Variants in FMN1 observed in about 807,000 individuals in gnomAD.
FMN1 encodes the protein formin-1.
FMN1 carries 110 observed loss-of-function variants against 132.4 expected under a neutral mutation model. The ratio of observed to expected loss-of-function variants is 0.83; its 90% confidence interval spans 0.71 to 0.97. The LOEUF is 0.97. Among genes scored for constraint, FMN1 ranks in the 50% least tolerant of loss-of-function variants. The pLI is 0.00. For synonymous variants in FMN1, 722 were observed against 651.7 expected (o/e 1.11, Z -1.64); for missense variants, 1,792 against 1,705.3 (o/e 1.05, Z -0.90).
intron 10 of FMN1, among the ~76,000 whole-genome samples, chr15:32,920,441 T>A (rs1003933586): frequency 6.6e-6 from 1 of 152,180 alleles, no homozygotes; most frequent in Non-Finnish European, 1.5e-5. Flanking sequence ...TTCAGTGTTT[T>A]CACTTCAGCC....
At chr15:32,863,207 G>C (rs1022535929) in intron 16 of FMN1, among the ~76,000 whole-genome samples, 1 of 152,172 alleles carries the variant, frequency 6.6e-6, no homozygotes, top group Middle Eastern at 3.2e-3. Flanking sequence ...ACTTTGGGAG[G>C]CCGAGGCGGG....
chr15:32,977,584 T>G (rs1211219674), intron 7 of FMN1, among the ~76,000 whole-genome samples: 1 of 152,206 alleles, frequency 6.6e-6, no homozygotes, highest in East Asian at 1.9e-4. Context: ...TATATATGTC[T>G]GAAATGAGAG....
intron 17 of FMN1, among the ~76,000 whole-genome samples, chr15:32,856,792 C>G (rs2059142296): frequency 6.6e-6 from 1 of 152,108 alleles, no homozygotes. Flanking sequence ...GAGTAACATT[C>G]AAGAATTTAA....
intron 15 of FMN1, among the ~76,000 whole-genome samples, chr15:32,889,219 G>A (rs978106517): frequency 2.0e-5 from 3 of 152,172 alleles, no homozygotes; most frequent in African/African-American, 7.2e-5. Flanking sequence ...CACTGCTATA[G>A]CTAATGGAGA....
chr15:33,022,289 T>G (rs2035453990), intron 6 of FMN1, among the ~76,000 whole-genome samples: 1 of 152,208 alleles, frequency 6.6e-6, no homozygotes, highest in African/African-American at 2.4e-5. Context: ...CAATTGTACT[T>G]CATACTGAAA....
At chr15:32,965,190 G>A (rs1448588809) in intron 8 of FMN1, among the ~76,000 whole-genome samples, 2 of 152,120 alleles carry the variant, frequency 1.3e-5, no homozygotes, top group Non-Finnish European at 2.9e-5. Context: ...TTGGGGTCAG[G>A]AGTTCAAGAC....
At chr15:32,992,548 A>C (rs28522303) in intron 7 of FMN1, among the ~76,000 whole-genome samples, 31,471 of 152,114 alleles carry the variant, frequency 0.21, 3,723 homozygotes, top group African/African-American at 0.33. Flanking sequence ...CTTAGTTTAC[A>C]AACTTAAGAA....
chr15:32,885,410 C>A (rs1480029757), intron 16 of FMN1, among the ~76,000 whole-genome samples: 1 of 152,162 alleles, frequency 6.6e-6, no homozygotes, highest in Non-Finnish European at 1.5e-5. Context: ...ACTTCTGGGT[C>A]ACAGGCGTGA....
intron 17 of FMN1, among the ~76,000 whole-genome samples, chr15:32,826,014 T>C (rs1055489374): frequency 1.3e-5 from 2 of 152,212 alleles, no homozygotes; most frequent in African/African-American, 4.8e-5. Context: ...ACACTGGTAG[T>C]AATAACAGCA....
chr15:33,129,205 T>C (rs1250410657), intron 4 of FMN1, among the ~76,000 whole-genome samples: 1 of 152,212 alleles, frequency 6.6e-6, no homozygotes, highest in Non-Finnish European at 1.5e-5. Context: ...ACAATGCAGT[T>C]AGCTACCAGA....
intron 16 of FMN1, among the ~76,000 whole-genome samples, chr15:32,884,664 G>A (rs1449568808): frequency 6.6e-6 from 1 of 151,990 alleles, no homozygotes; most frequent in Admixed American, 6.6e-5. Flanking sequence ...CAAGGACAAA[G>A]AGGGAGAATG....
At chr15:33,089,182 T>C (rs147061507) in intron 4 of FMN1, among the ~76,000 whole-genome samples, 1 of 152,332 alleles carries the variant, frequency 6.6e-6, no homozygotes, top group East Asian at 1.9e-4. Flanking sequence ...ACATACGCCC[T>C]CATCCCCCAA....
intron 10 of FMN1, among the ~76,000 whole-genome samples, chr15:32,915,491 C>T (rs534406351): frequency 1.3e-5 from 2 of 152,186 alleles, no homozygotes; most frequent in Non-Finnish European, 2.9e-5. Context: ...GATCAGATCG[C>T]TCCCTCCATT....
At chr15:32,802,968 A>C (rs772233660) in intron 18 of FMN1, among the ~76,000 whole-genome samples, 4 of 152,232 alleles carry the variant, frequency 2.6e-5, no homozygotes, top group Middle Eastern at 6.4e-3. Flanking sequence ...TGTACTTAGC[A>C]AAGTGCAAGA....
chr15:32,893,367 TGC>T (rs1028229809), intron 15 of FMN1, among the ~76,000 whole-genome samples: 33 of 142,694 alleles, frequency 2.3e-4, no homozygotes, highest in Non-Finnish European at 4.8e-4. Context: ...TGGTTTTGAT[TGC>T]GTGTGTGTGT....
chr15:33,153,579 T>C lies in FMN1; in HGVS notation c.1336A>G (p.Ser446Gly). ...GKRLGFPVHT[S>G]VPHTRPETRN... ...GTTTCTGGGCGAGTGTGAGGGACAC[T>C]CGTGTGGACAGGGAAGCCCAGTCTT... is the stretch of plus-strand genomic sequence containing the variant. Residue 446 changes from serine to glycine, a missense_variant, in exon 4 of 21, where the codon AGT (serine) becomes GGT (glycine). This residue lies in a region of FMN1 where 638 missense variants were observed against 645.2 expected (regional missense o/e 0.99). Transcript: ENST00000616417. 1 of 1,536,198 alleles carries C rather than the reference T, an allele frequency of 6.5e-7. No homozygotes were observed. Among genetic ancestry groups the C allele is most frequent in the Non-Finnish European group, 8.7e-7 (1 of 1,146,928 alleles).
chr15:32,946,816 T>C (rs1024342502), intron 9 of FMN1, among the ~76,000 whole-genome samples: 1 of 152,096 alleles, frequency 6.6e-6, no homozygotes, highest in East Asian at 1.9e-4. Flanking sequence ...AGAAGCTAAA[T>C]AGAAATGAAT....
chr15:33,157,245 C>T (rs1322220175), intron 3 of FMN1, among the ~76,000 whole-genome samples: 1 of 134,328 alleles, frequency 7.4e-6, no homozygotes, highest in Non-Finnish European at 1.5e-5. Flanking sequence ...AGCCTGGTGA[C>T]AGAGTGAGAC....
intron 3 of FMN1, among the ~76,000 whole-genome samples, chr15:33,173,510 T>C (rs1965403770): frequency 6.6e-6 from 1 of 152,204 alleles, no homozygotes; most frequent in African/African-American, 2.4e-5. Context: ...AAATGGTCAT[T>C]GGAAAAGTCT....
Sources: allele counts gnomAD v4.1 joint callset (sites outside exome capture counted in the v4.1 genomes callset), GRCh38; gene constraint gnomAD v4.1.1; regional missense constraint gnomAD v4.1.1; transcripts MANE v1.5; gene names NCBI Gene and HGNC (gene_info 2026-07-23, HGNC 2026-07-21).